The following PCDHA7 variants were observed in gnomAD, a reference collection of about 807,000 sequenced individuals.
PCDHA7 encodes the protein protocadherin alpha-7.
In PCDHA7, 37 loss-of-function variants were observed where a neutral mutation model predicts 57.2. The observed-to-expected ratio is 0.65, with a 90% confidence interval of 0.50 to 0.85. PCDHA7 has a LOEUF of 0.85. Ranked by LOEUF, PCDHA7 falls within the 40% of genes least tolerant of loss-of-function variation. The probability of loss-of-function intolerance (pLI) is 0.00; values close to 1 mark genes in which losing one functional copy is unlikely to be tolerated. For synonymous variants in PCDHA7, 553 were observed against 558.8 expected (o/e 0.99, Z 0.15); for missense variants, 1,188 against 1,241.8 (o/e 0.96, Z 0.65).
At chr5:140,989,598 TA>T (rs1554250927) in intron 3 of PCDHA7, among the ~76,000 whole-genome samples, 1 of 152,144 alleles carries the variant, frequency 6.6e-6, no homozygotes, top group Non-Finnish European at 1.5e-5. Flanking sequence ...CTGACACAAG[TA>T]AACTAAAAAT....
At chr5:140,883,342 C>T in intron 1 of PCDHA7, 1 of 1,614,154 alleles carries the variant, frequency 6.2e-7, no homozygotes, top group Non-Finnish European at 8.5e-7. Flanking sequence ...TGTCACTCCC[C>T]ATCAGAGAAG....
intron 1 of PCDHA7, chr5:140,858,226 C>G (rs782380359): frequency 1.3e-6 from 2 of 1,595,414 alleles, no homozygotes; most frequent in Admixed American, 1.7e-5. Context: ...CGGCGCCCAC[C>G]GAGGGCGCAT....
At chr5:140,871,306 AAGCCCAC>A in intron 1 of PCDHA7, 1 of 1,613,964 alleles carries the variant, frequency 6.2e-7, no homozygotes, top group East Asian at 2.2e-5. Flanking sequence ...CGCGCCGGGG[AAGCCCAC>A]GCTGGTGTGC....
chr5:140,926,592 C>A, intron 1 of PCDHA7: 1 of 298,858 alleles, frequency 3.3e-6, no homozygotes, highest in Non-Finnish European at 6.1e-6. Context: ...CGCGCCCGGG[C>A]GGGCGGCCTC....
chr5:140,879,469 G>A (rs1438617682), intron 1 of PCDHA7, among the ~76,000 whole-genome samples: 2 of 152,166 alleles, frequency 1.3e-5, no homozygotes, highest in Non-Finnish European at 2.9e-5. Context: ...AGAGAATACC[G>A]TTGTGATTGG....
Position 140,836,745 on chromosome 5 carries a change from C to A in PCDHA7, c.2355+7C>A. 1 of 1,588,116 alleles carries A rather than the reference C, an allele frequency of 6.3e-7. No homozygotes were observed. The highest frequency in any genetic ancestry group is 8.6e-7 in the Non-Finnish European group (1 of 1,169,492). ...TCCATCCTCTACAGACAATGTGAGT[C>A]ATAAATAATCTTGTTTCCAACAATT... On this transcript the variant is annotated splice_region_variant and intron_variant, in intron 1 of 3. Transcript: ENST00000525929.
At chr5:140,927,602 T>G (rs2084408838) in intron 1 of PCDHA7, 1 of 1,614,104 alleles carries the variant, frequency 6.2e-7, no homozygotes, top group African/African-American at 1.3e-5. Context: ...GAGCGCTCCG[T>G]ATACCGCACC....
intron 3 of PCDHA7, among the ~76,000 whole-genome samples, chr5:140,996,371 C>G (rs1183587138): frequency 6.6e-6 from 1 of 152,126 alleles, no homozygotes; most frequent in Admixed American, 6.6e-5. Context: ...ATTTTGTTGT[C>G]GGCTGAAATA....
chr5:140,884,059 G>A, intron 1 of PCDHA7: 4 of 1,613,546 alleles, frequency 2.5e-6, no homozygotes, highest in Non-Finnish European at 3.4e-6. Context: ...TGCGCGCGGT[G>A]GACGCCGATT....
At chr5:140,869,920 G>A (rs1554163605) in intron 1 of PCDHA7, 2 of 1,611,398 alleles carry the variant, frequency 1.2e-6, no homozygotes, top group Non-Finnish European at 1.7e-6. Flanking sequence ...AGACGAAGGA[G>A]TCAATGGAGA....
intron 1 of PCDHA7, chr5:140,869,622 TA>T: frequency 6.2e-7 from 1 of 1,613,790 alleles, no homozygotes; most frequent in Non-Finnish European, 8.5e-7. Context: ...ACAGGCTAAG[TA>T]AAAATGAGTA....
chr5:140,873,657 C>T (rs1270824058), intron 1 of PCDHA7, among the ~76,000 whole-genome samples: 1 of 152,206 alleles, frequency 6.6e-6, no homozygotes, highest in Non-Finnish European at 1.5e-5. Flanking sequence ...ACATAACACA[C>T]TATTATTATT....
chr5:140,928,585 G>T, intron 1 of PCDHA7: 1 of 1,614,194 alleles, frequency 6.2e-7, no homozygotes, highest in Non-Finnish European at 8.5e-7. Context: ...AAATGGTTCT[G>T]TCCCAGTGGA....
intron 1 of PCDHA7, among the ~76,000 whole-genome samples, chr5:140,917,535 T>C (rs2078248743): frequency 3.3e-5 from 5 of 152,278 alleles, no homozygotes; most frequent in South Asian, 4.1e-4. Flanking sequence ...TTGTATAGTT[T>C]TAGGTTTTAC....
intron 1 of PCDHA7, among the ~76,000 whole-genome samples, chr5:140,838,413 C>T (rs1304271115): frequency 6.6e-6 from 1 of 151,456 alleles, no homozygotes; most frequent in East Asian, 1.9e-4. Context: ...AGTGAGCCAC[C>T]GCATCCGGCC....
chr5:140,895,881 G>A (rs1004872677), intron 1 of PCDHA7, among the ~76,000 whole-genome samples: 22 of 152,176 alleles, frequency 1.4e-4, no homozygotes, highest in East Asian at 1.9e-4. Flanking sequence ...GCGCGATCTC[G>A]GCTCACTGCA....
At chr5:140,994,163 G>A (rs2097601451) in intron 3 of PCDHA7, among the ~76,000 whole-genome samples, 1 of 152,200 alleles carries the variant, frequency 6.6e-6, no homozygotes, top group African/African-American at 2.4e-5. Flanking sequence ...CAACGAAGGG[G>A]AAGGAAGCTG....
At chr5:140,853,925 T>C in intron 1 of PCDHA7, 3 of 909,732 alleles carry the variant, frequency 3.3e-6, no homozygotes, top group Non-Finnish European at 4.0e-6. Context: ...TCCCAACATT[T>C]TGGGAGGCCA....
At chr5:140,926,854 G>C (rs1554203742) in intron 1 of PCDHA7, 3 of 1,520,530 alleles carry the variant, frequency 2.0e-6, no homozygotes, top group South Asian at 2.6e-5. Flanking sequence ...GTCACCGTTG[G>C]TGTAGCGTGT....
Sources: gnomAD v4.1 joint callset for allele counts (sites outside exome capture counted in the v4.1 genomes callset) on GRCh38, gnomAD v4.1.1 for gene constraint, MANE v1.5 for transcripts, NCBI Gene and HGNC (gene_info 2026-07-23, HGNC 2026-07-21) for gene names.